The following SPECC1 variants were observed in gnomAD, a reference collection of about 807,000 sequenced individuals.
The protein encoded by SPECC1 is sperm antigen with calponin homology and coiled-coil domains 1, also known as cytospin-B.
SPECC1 carries 62 observed loss-of-function variants against 104.1 expected under a neutral mutation model. That is an observed-to-expected ratio of 0.60 (90% CI 0.49 to 0.74). The LOEUF (loss-of-function observed/expected upper bound fraction) is 0.74, where lower values mean the gene tolerates loss of function less well. SPECC1 is among the 30% of genes least tolerant of loss of function. The pLI is 0.00. For synonymous variants in SPECC1, 513 were observed against 501.6 expected, an observed-to-expected ratio of 1.02 and a Z score of -0.30; for missense variants, 1,306 against 1,310.5, an observed-to-expected ratio of 1.00 and a Z score of 0.05.
chr17:20,048,489 T>C (rs1251568718), intron 1 of SPECC1, among the ~76,000 whole-genome samples: 2 of 152,180 alleles, frequency 1.3e-5, no homozygotes, highest in Admixed American at 1.3e-4. Flanking sequence ...CAAATTCCTG[T>C]CTCAGAAATA....
intron 12 of SPECC1, among the ~76,000 whole-genome samples, chr17:20,265,342 G>C (rs954533173): frequency 5.3e-5 from 8 of 152,118 alleles, no homozygotes; most frequent in African/African-American, 1.9e-4. Context: ...GTTTTGATTC[G>C]TATTTCTTTG....
At chr17:20,073,004 C>A (rs565685270) in intron 1 of SPECC1, among the ~76,000 whole-genome samples, 1 of 152,208 alleles carries the variant, frequency 6.6e-6, no homozygotes, top group East Asian at 1.9e-4. Context: ...AACGTGGACC[C>A]CAGGCTTTGT....
chr17:20,309,201 T>A (rs1260891081), intron 14 of SPECC1, among the ~76,000 whole-genome samples: 1 of 152,212 alleles, frequency 6.6e-6, no homozygotes, highest in Non-Finnish European at 1.5e-5. Flanking sequence ...AGTACCTTGA[T>A]GTGGATTGGA....
chr17:20,063,540 T>A (rs2046261336), intron 1 of SPECC1, among the ~76,000 whole-genome samples: 1 of 152,248 alleles, frequency 6.6e-6, no homozygotes, highest in South Asian at 2.1e-4. Flanking sequence ...TTGCCGTTTT[T>A]ATCTTTATTC....
At chr17:20,026,392 G>A (rs536356526) in intron 1 of SPECC1, among the ~76,000 whole-genome samples, 4 of 151,994 alleles carry the variant, frequency 2.6e-5, no homozygotes, top group East Asian at 1.9e-4. Context: ...AACTATACTC[G>A]CCCTACAGTT....
intron 13 of SPECC1, among the ~76,000 whole-genome samples, chr17:20,300,974 C>G (rs773205540): frequency 1.3e-5 from 2 of 152,160 alleles, no homozygotes; most frequent in African/African-American, 4.8e-5. Flanking sequence ...TTGCTAATTA[C>G]AGCCCGTTTG....
At chr17:20,302,998 G>A (rs62066879) in intron 13 of SPECC1, among the ~76,000 whole-genome samples, 2,984 of 150,256 alleles carry the variant, frequency 0.02, 39 homozygotes, top group Admixed American at 0.039. Flanking sequence ...GACCTTACTA[G>A]TAATCAATAC....
intron 3 of SPECC1, among the ~76,000 whole-genome samples, chr17:20,179,180 AG>A (rs2034687683): frequency 6.6e-6 from 1 of 152,274 alleles, no homozygotes; most frequent in African/African-American, 2.4e-5. Flanking sequence ...CAGGCACTGC[AG>A]CCAGGGACAG....
intron 1 of SPECC1, chr17:20,017,431 C>A (rs2044186380): frequency 6.5e-6 from 1 of 153,740 alleles, no homozygotes; most frequent in Non-Finnish European, 1.4e-5. Context: ...GGAAGAAACT[C>A]CGAACACATC....
chr17:20,242,994 G>A (rs907112552), intron 7 of SPECC1, among the ~76,000 whole-genome samples: 4 of 152,158 alleles, frequency 2.6e-5, no homozygotes, highest in Non-Finnish European at 4.4e-5. Flanking sequence ...TAAACACTAA[G>A]CACCTATTTA....
intron 1 of SPECC1, among the ~76,000 whole-genome samples, chr17:20,069,841 A>G (rs1006602206): frequency 1.3e-5 from 2 of 152,038 alleles, no homozygotes; most frequent in African/African-American, 4.8e-5. Flanking sequence ...TAAATATTTT[A>G]TAGTTAAACA....
intron 13 of SPECC1, among the ~76,000 whole-genome samples, chr17:20,300,562 G>A (rs1020459621): frequency 1.3e-5 from 2 of 152,236 alleles, no homozygotes; most frequent in African/African-American, 2.4e-5. Context: ...CCTTGAATCA[G>A]CATGGCTGTA....
intron 3 of SPECC1, among the ~76,000 whole-genome samples, chr17:20,199,253 A>AT (rs1292702128): frequency 6.6e-6 from 1 of 151,370 alleles, no homozygotes; most frequent in African/African-American, 2.4e-5. Context: ...CGCCCAGCTA[A>AT]TTTTTGTATT....
At chr17:20,084,219 A>G (rs1350967954) in intron 1 of SPECC1, among the ~76,000 whole-genome samples, 1 of 152,214 alleles carries the variant, frequency 6.6e-6, no homozygotes, top group Admixed American at 6.5e-5. Context: ...ACCTGAGGTC[A>G]GGAGTTTGAG....
intron 1 of SPECC1, among the ~76,000 whole-genome samples, chr17:20,060,565 G>C (rs2046148383): frequency 1.3e-5 from 2 of 152,208 alleles, no homozygotes. Context: ...AATGAATCCA[G>C]TGTCTGATAA....
At chr17:20,271,935 C>T (rs919226571) in intron 12 of SPECC1, among the ~76,000 whole-genome samples, 2 of 152,114 alleles carry the variant, frequency 1.3e-5, no homozygotes, top group African/African-American at 4.8e-5. Context: ...GTGGGCATCG[C>T]TCCATTGTCT....
chr17:20,292,487 C>T (rs1192622439), intron 12 of SPECC1, among the ~76,000 whole-genome samples: 9 of 152,076 alleles, frequency 5.9e-5, no homozygotes, highest in Non-Finnish European at 1.0e-4. Flanking sequence ...CCAGCCACCA[C>T]GCCCAGCTAA....
chr17:20,121,347 A>G (rs1276543633), intron 3 of SPECC1, among the ~76,000 whole-genome samples: 1 of 137,282 alleles, frequency 7.3e-6, no homozygotes, highest in Non-Finnish European at 1.6e-5. Flanking sequence ...GAATTCCAAA[A>G]AAGAATTCTG....
intron 3 of SPECC1, chr17:20,156,367 T>C: frequency 9.5e-7 from 1 of 1,057,284 alleles, no homozygotes; most frequent in Non-Finnish European, 1.2e-6. Context: ...GGTGTGATTC[T>C]TGTCGTTGGA....
Sources: gnomAD v4.1 joint callset for allele counts (sites outside exome capture counted in the v4.1 genomes callset) on GRCh38, gnomAD v4.1.1 for gene constraint, MANE v1.5 for transcripts, NCBI Gene and HGNC (gene_info 2026-07-23, HGNC 2026-07-21) for gene names.